Variants in ERC2 observed in about 807,000 individuals in gnomAD.
ERC2 encodes ERC protein 2.
Under a neutral mutation model 114.8 loss-of-function variants are expected in ERC2, and 42 were observed. That is an observed-to-expected ratio of 0.37 (90% confidence interval 0.29 to 0.47). The LOEUF (loss-of-function observed/expected upper bound fraction) is 0.47. ERC2 is among the 20% of genes least tolerant of loss of function. The pLI, the probability that ERC2 is intolerant of heterozygous loss-of-function variation, is 0.99. For missense variants in ERC2, 939 were observed against 1,150.7 expected, an observed-to-expected ratio of 0.82 and a Z score of 2.66; for synonymous variants, 454 against 425.5, an observed-to-expected ratio of 1.07 and a Z score of -0.82.
intron 2 of ERC2, among the ~76,000 whole-genome samples, chr3:56,346,951 T>C (rs1335147655): frequency 6.6e-6 from 1 of 152,218 alleles, no homozygotes; most frequent in East Asian, 1.9e-4. Flanking sequence ...GGAGCCTGCA[T>C]GACCTAAACA....
intron 4 of ERC2, among the ~76,000 whole-genome samples, chr3:56,159,294 T>C (rs769956713): frequency 1.3e-5 from 2 of 152,172 alleles, no homozygotes; most frequent in African/African-American, 2.4e-5. Flanking sequence ...TATTTCATTA[T>C]AGAAATGTGA....
At chr3:55,689,234 T>A (rs1012467202) in intron 16 of ERC2, among the ~76,000 whole-genome samples, 5 of 134,658 alleles carry the variant, frequency 3.7e-5, no homozygotes, top group African/African-American at 5.7e-5. Context: ...ACTTCTAATA[T>A]AACATCTTTA....
intron 14 of ERC2, among the ~76,000 whole-genome samples, chr3:55,883,889 A>AAACAACAAC (rs57990581): frequency 5.0e-4 from 66 of 132,028 alleles, no homozygotes; most frequent in African/African-American, 9.2e-4. Flanking sequence ...CTCCGTCTCA[A>AAACAACAAC]AACAACAACA....
At chr3:56,081,655 ATGT>A (rs2077239198) in intron 6 of ERC2, among the ~76,000 whole-genome samples, 1 of 152,142 alleles carries the variant, frequency 6.6e-6, no homozygotes, top group Non-Finnish European at 1.5e-5. Context: ...CTGCTTTCAA[ATGT>A]TGTTAATAAA....
chr3:55,740,349 G>C (rs1056860016), intron 14 of ERC2, among the ~76,000 whole-genome samples: 1 of 151,606 alleles, frequency 6.6e-6, no homozygotes, highest in Non-Finnish European at 1.5e-5. Flanking sequence ...TTGTATTTTT[G>C]TTTTATTTTG....
intron 17 of ERC2, among the ~76,000 whole-genome samples, chr3:55,523,822 A>G (rs1247447174): frequency 6.6e-6 from 1 of 152,198 alleles, no homozygotes; most frequent in Non-Finnish European, 1.5e-5. Flanking sequence ...TGTGCCAGGA[A>G]TAGCCCCAAA....
At chr3:55,958,370 G>T (rs1434331685) in intron 12 of ERC2, among the ~76,000 whole-genome samples, 5 of 152,266 alleles carry the variant, frequency 3.3e-5, no homozygotes, top group African/African-American at 4.8e-5. Flanking sequence ...CATGCTGATT[G>T]TTCCATGGGT....
chr3:55,631,313 G>A (rs968241743), intron 17 of ERC2, among the ~76,000 whole-genome samples: 9 of 152,160 alleles, frequency 5.9e-5, no homozygotes, highest in Admixed American at 4.6e-4. Context: ...AGGAAGAAAG[G>A]CTGAAAAAGA....
chr3:56,302,183 A>C (rs1012152885), intron 2 of ERC2, among the ~76,000 whole-genome samples: 2 of 152,182 alleles, frequency 1.3e-5, no homozygotes, highest in African/African-American at 4.8e-5. Context: ...ACAAAGCCAG[A>C]ATCTGGGTTT....
chr3:55,828,377 G>A (rs2060420320), intron 14 of ERC2, among the ~76,000 whole-genome samples: 3 of 151,440 alleles, frequency 2.0e-5, no homozygotes, highest in Admixed American at 2.0e-4. Flanking sequence ...AGACCCCTGA[G>A]GTCCAAAGAG....
chr3:55,715,983 G>T (rs545831873), intron 15 of ERC2, among the ~76,000 whole-genome samples: 1 of 152,100 alleles, frequency 6.6e-6, no homozygotes, highest in African/African-American at 2.4e-5. Context: ...ATAAGAACAT[G>T]CCCTAGAAGG....
At chr3:55,576,049 G>A (rs1258206532) in intron 17 of ERC2, among the ~76,000 whole-genome samples, 11 of 152,236 alleles carry the variant, frequency 7.2e-5, no homozygotes, top group African/African-American at 2.2e-4. Context: ...GGTGGCTCAC[G>A]TCTGTAATCT....
chr3:56,392,689 T>C (rs1327744772), intron 2 of ERC2, among the ~76,000 whole-genome samples: 1 of 152,216 alleles, frequency 6.6e-6, no homozygotes, highest in Non-Finnish European at 1.5e-5. Context: ...CCTTGAATAT[T>C]TATTTTAAAT....
chr3:55,699,246 C>A, intron 16 of ERC2, 132 bp downstream of exon 16: 2 of 1,134,784 alleles, frequency 1.8e-6, no homozygotes, highest in South Asian at 2.9e-5. Flanking sequence ...GAAATAAATA[C>A]CAAAGCTATT....
At chr3:55,545,717 TAA>T (rs967673626) in intron 17 of ERC2, among the ~76,000 whole-genome samples, 2 of 151,976 alleles carry the variant, frequency 1.3e-5, no homozygotes, top group African/African-American at 2.4e-5. Context: ...GGAGGAGACT[TAA>T]AAGAGGCAAA....
At chr3:56,225,804 C>T (rs929079298) in intron 3 of ERC2, among the ~76,000 whole-genome samples, 1 of 152,100 alleles carries the variant, frequency 6.6e-6, no homozygotes, top group Admixed American at 6.6e-5. Context: ...AAAGGAAGTC[C>T]TATGTTCTGA....
intron 17 of ERC2, among the ~76,000 whole-genome samples, chr3:55,593,723 C>T (rs1306400934): frequency 6.6e-6 from 1 of 152,110 alleles, no homozygotes; most frequent in Non-Finnish European, 1.5e-5. Context: ...CCCATTTCCT[C>T]CAGGGCCAAA....
chr3:56,359,083 T>C (rs1372531629), intron 2 of ERC2, among the ~76,000 whole-genome samples: 1 of 152,216 alleles, frequency 6.6e-6, no homozygotes, highest in Non-Finnish European at 1.5e-5. Context: ...TGTGCATGAA[T>C]TTGCAAAAGT....
chr3:56,166,836 A>C (rs1166620543), intron 4 of ERC2, among the ~76,000 whole-genome samples: 2 of 152,076 alleles, frequency 1.3e-5, no homozygotes, highest in African/African-American at 4.8e-5. Flanking sequence ...CTTCAAAAAA[A>C]CAGCATTTAG....
Sources: allele counts gnomAD v4.1 joint callset (sites outside exome capture counted in the v4.1 genomes callset), GRCh38; gene constraint gnomAD v4.1.1; transcripts MANE v1.5; gene names NCBI Gene and HGNC (gene_info 2026-07-23, HGNC 2026-07-21).